The following RP1L1 variants were observed in gnomAD, a reference collection of about 807,000 sequenced individuals.
RP1L1 encodes RP1 like 1.
A neutral mutation model predicts 15.7 loss-of-function variants in RP1L1; 27 were observed. The ratio of observed to expected loss-of-function variants is 1.72; its 90% confidence interval spans 1.27 to 2.38. RP1L1 has a LOEUF of 2.38. Among genes scored for constraint, RP1L1 ranks in the 30% most tolerant of loss-of-function variants. The pLI is 0.00. For synonymous variants in RP1L1, 1,813 were observed against 1,276.7 expected (o/e 1.42, Z -8.96); for missense variants, 4,798 against 3,075.9 (o/e 1.56, Z -13.24).
At chr8:10,624,116 C>T (rs1563132151) in intron 1 of RP1L1, among the ~76,000 whole-genome samples, 1 of 152,202 alleles carries the variant, frequency 6.6e-6, no homozygotes, top group South Asian at 2.1e-4. Context: ...AGGTTTTCTT[C>T]TTGGAAGAGG....
At chr8:10,622,335 CAAA>C (rs34315849) in intron 2 of RP1L1, among the ~76,000 whole-genome samples, 3 of 102,264 alleles carry the variant, frequency 2.9e-5, no homozygotes, top group Non-Finnish European at 2.1e-5. Flanking sequence ...AAAACAAAGC[CAAA>C]AAAAAAAAAA....
In RP1L1 at chr8:10,607,059, T is replaced by A. The variant is rs1304486067; in HGVS notation, c.7039A>T (p.Ser2347Cys). Residue 2347 changes from serine (S) to cysteine (C), a missense_variant, in exon 4 of 4, where the codon AGT (serine) becomes TGT (cysteine). Ser to Cys is a moderately radical substitution (Grantham distance 112). Coordinates refer to ENST00000382483, the MANE Select transcript of RP1L1 (RefSeq NM_178857.6). ...GCCTCTTCTTGCTCAGAAGTAGAAC[T>A]TTCTGGGTACATCCTGGTGGCCTTC... ...ERKATRMYPE[S>C]STSEQEEAPL... is the part of the protein sequence containing the mutation. 1 of 1,614,062 alleles carries A rather than the reference T, an allele frequency of 6.2e-7. No individual in the cohort carries two copies. The highest frequency in any genetic ancestry group is 1.3e-5 in the African/African-American group (1 of 74,924).
At chr8:10,626,894 G>A (rs1203412726) in intron 1 of RP1L1, among the ~76,000 whole-genome samples, 1 of 152,158 alleles carries the variant, frequency 6.6e-6, no homozygotes, top group Non-Finnish European at 1.5e-5. Flanking sequence ...GATAGGTCAG[G>A]CCTACCAGGT....
Position 10,611,280 on chromosome 8 carries a change from C to A in RP1L1, c.2818G>T (p.Ala940Ser). The A allele has an allele frequency of 1.2e-6, 2 of 1,613,010 alleles. No homozygotes were observed. Among genetic ancestry groups the A allele is most frequent in the African/African-American group, 1.3e-5 (1 of 75,060 alleles). The change falls in exon 4 of 4, where the codon GCC (alanine) becomes TCC (serine). Residue 940 changes from alanine to serine, a missense_variant. By Grantham distance (99) the Ala-to-Ser change is moderately conservative (BLOSUM62 1). Coordinates refer to ENST00000382483, the MANE Select transcript of RP1L1 (RefSeq NM_178857.6). Reference protein sequence around the residue: ...SGGGPQGQEEASGVSPSSLPR... With the variant: ...SGGGPQGQEESSGVSPSSLPR... ...AGAGAGCTGGGTGACACACCACTGGCCTCCTCCTGCCCCTGGGGGCCTCCC... is the reference window on the plus strand; with the variant it reads ...AGAGAGCTGGGTGACACACCACTGGACTCCTCCTGCCCCTGGGGGCCTCCC...
In RP1L1 at chr8:10,610,037, G is replaced by A. The variant is rs201532540; in HGVS notation, c.4061C>T (p.Ala1354Val). The change falls in exon 4 of 4, where the codon GCG (alanine) becomes GTG (valine). Residue 1354 changes from alanine to valine, a missense_variant. Transcript: ENST00000382483. Reference sequence around the variant, plus strand: ...TGTTTCTTCAATTTCCTCTAACTGCGCCTCTTCTTCTTGCTGTCCTTCTCC... The same window carrying A: ...TGTTTCTTCAATTTCCTCTAACTGCACCTCTTCTTCTTGCTGTCCTTCTCC... The part of the protein sequence containing the change: ...TEGEGQQEEE[A>V]QLEEIEETGG... 69 of 1,306,476 alleles carry A rather than the reference G, an allele frequency of 5.3e-5. 1 individual carries two copies. The African/African-American group carries it at 7.9e-4, about 15-fold the overall frequency. 80.9% of individuals were successfully genotyped at this position (1,306,476 alleles called of 1,614,324 possible).
At chr8:10,621,771 A>AC (rs753656052) in intron 2 of RP1L1, 6 of 506,324 alleles carry the variant, frequency 1.2e-5, no homozygotes, top group East Asian at 1.1e-4. Flanking sequence ...GTCCGGCAGA[A>AC]CCTGGAAAGG....
intron 2 of RP1L1, among the ~76,000 whole-genome samples, chr8:10,617,399 CA>C (rs369885056): frequency 0.082 from 6,842 of 83,070 alleles, 82 homozygotes; most frequent in Middle Eastern, 0.15. Flanking sequence ...TGCTCATTAA[CA>C]AAAAAAAAAA....
At chr8:10,637,185 C>A (rs1798342428) in intron 1 of RP1L1, among the ~76,000 whole-genome samples, 1 of 152,202 alleles carries the variant, frequency 6.6e-6, no homozygotes, top group Non-Finnish European at 1.5e-5. Flanking sequence ...TCAATGCTCA[C>A]AGCAAGGCTG....
In RP1L1 at chr8:10,622,753, G is replaced by A. The variant is rs758699416; in HGVS notation, c.449C>T (p.Thr150Ile). ...GTSSSRKSLK[T>I]PRRILLIKNM... ...CTTAATCAGCAGTATCCTCCGGGGG[G>A]TTTTAAGACTCTTCCGGGAGGAGGA... The change falls in exon 2 of 4, where the codon ACC becomes ATC. Residue 150 changes from threonine (T) to isoleucine (I), a missense_variant. By Grantham distance (89) the Thr-to-Ile change is moderately conservative (BLOSUM62 -1). Coordinates refer to ENST00000382483, the MANE Select transcript of RP1L1 (RefSeq NM_178857.6). 1.2e-6 allele frequency: 2 copies of A among 1,614,136 alleles called. No homozygotes were observed. Among genetic ancestry groups the A allele is most frequent in the South Asian group, 1.1e-5 (1 of 91,076 alleles).
chr8:10,636,628 T>C (rs562420174), intron 1 of RP1L1, among the ~76,000 whole-genome samples: 5 of 152,272 alleles, frequency 3.3e-5, no homozygotes, highest in Non-Finnish European at 7.4e-5. Flanking sequence ...ACTGTTGTTT[T>C]AACTGCTCTC....
rs1238435363 is a variant in RP1L1 at position 10,610,511 on chromosome 8, G to T, written c.3587C>A (p.Thr1196Lys). The change falls in exon 4 of 4, where the codon ACA becomes AAA. Residue 1196 changes from threonine (T) to lysine (K), a missense_variant. Thr to Lys is a moderately conservative substitution (Grantham distance 78). Transcript: ENST00000382483. ...GCTGATGTCCACACCAGAGGAGGAT[G>T]TGGGCGTGAAGTTCTCCGTCATGGC... ...SHAMTENFTP[T>K]SSSGVDISSG... 1 of 1,613,708 alleles carries T rather than the reference G, an allele frequency of 6.2e-7. No individual in the cohort carries two copies. Among genetic ancestry groups the T allele is most frequent in the Non-Finnish European group, 8.5e-7 (1 of 1,180,038 alleles).
intron 2 of RP1L1, among the ~76,000 whole-genome samples, chr8:10,616,844 A>C (rs999052439): frequency 5.3e-5 from 8 of 152,146 alleles, no homozygotes; most frequent in Non-Finnish European, 1.0e-4. Context: ...CCGTGATCAA[A>C]GGGCATTCTG....
intron 2 of RP1L1, among the ~76,000 whole-genome samples, chr8:10,618,815 C>T (rs1033942239): frequency 1.2e-4 from 19 of 152,140 alleles, no homozygotes; most frequent in African/African-American, 4.6e-4. Context: ...GTATGCTTTC[C>T]AGTACTGCAG....
Position 10,609,578 on chromosome 8 carries a change from G to C in RP1L1, c.4520C>G (p.Ala1507Gly). 1 of 1,603,566 alleles carries C rather than the reference G, an allele frequency of 6.2e-7. No individual in the cohort carries two copies. Among genetic ancestry groups the C allele is most frequent in the Non-Finnish European group, 8.5e-7 (1 of 1,177,428 alleles). The change falls in exon 4 of 4, where the codon GCC (alanine) becomes GGC (glycine). Residue 1507 changes from alanine (A) to glycine (G), a missense_variant. Transcript: ENST00000382483. ...QGAAERSSSV[A>G]CSAALDCDPI... Reference sequence around the variant, plus strand: ...GTCGCAGTCCAGAGCCGCGCTGCAGGCCACCGAAGAGCTCCTCTCTGCAGC... The same window carrying C: ...GTCGCAGTCCAGAGCCGCGCTGCAGCCCACCGAAGAGCTCCTCTCTGCAGC...
chr8:10,639,683 T>G (rs924529277), intron 1 of RP1L1, among the ~76,000 whole-genome samples: 3 of 152,182 alleles, frequency 2.0e-5, no homozygotes, highest in African/African-American at 7.2e-5. Context: ...CAGTTTAAAT[T>G]TGTTGAATAA....
At chr8:10,647,354 T>C (rs73662891) in intron 1 of RP1L1, among the ~76,000 whole-genome samples, 1,653 of 152,322 alleles carry the variant, frequency 0.011, 30 homozygotes, top group African/African-American at 0.037. Context: ...ACTCATAACA[T>C]TGACCATCTC....
intron 1 of RP1L1, among the ~76,000 whole-genome samples, chr8:10,623,671 A>T (rs1798111993): frequency 6.6e-6 from 1 of 150,944 alleles, no homozygotes. Context: ...CAGCAAAGCC[A>T]CATCTGTAGC....
At chr8:10,652,904 T>C (rs1798583581) in intron 1 of RP1L1, among the ~76,000 whole-genome samples, 1 of 152,182 alleles carries the variant, frequency 6.6e-6, no homozygotes. Flanking sequence ...CTAAAGTATT[T>C]TCAGACATTA....
At chr8:10,629,841 T>C (rs1798213997) in intron 1 of RP1L1, among the ~76,000 whole-genome samples, 1 of 152,026 alleles carries the variant, frequency 6.6e-6, no homozygotes, top group Non-Finnish European at 1.5e-5. Context: ...GCCCTGGAGT[T>C]TGACTGAGAT....
Sources: gnomAD v4.1 joint callset for allele counts (sites outside exome capture counted in the v4.1 genomes callset) on GRCh38, gnomAD v4.1.1 for gene constraint, MANE v1.5 for transcripts, NCBI Gene and HGNC (gene_info 2026-07-23, HGNC 2026-07-21) for gene names.